The following DGCR2 variants were observed in gnomAD, a reference collection of about 807,000 sequenced individuals.
DGCR2 encodes the protein integral membrane protein DGCR2/IDD.
A neutral mutation model predicts 51.6 loss-of-function variants in DGCR2; 24 were observed. That is an observed-to-expected ratio of 0.47 (90% CI 0.34 to 0.65). The LOEUF (loss-of-function observed/expected upper bound fraction) is 0.65, where lower values mean the gene tolerates loss of function less well. Ranked by LOEUF, DGCR2 falls within the 30% of genes least tolerant of loss-of-function variation. DGCR2 has a pLI of 0.01. For synonymous variants in DGCR2, 340 were observed against 315.4 expected, an observed-to-expected ratio of 1.08 and a Z score of -0.82; for missense variants, 765 against 772.1, an observed-to-expected ratio of 0.99 and a Z score of 0.11.
chr22:19,049,605 T>C (rs1359290422), intron 6 of DGCR2, among the ~76,000 whole-genome samples: 1 of 152,130 alleles, frequency 6.6e-6, no homozygotes, highest in African/African-American at 2.4e-5. Context: ...GGCAGGCAGA[T>C]TGCCTGAGGT....
intron 7 of DGCR2, among the ~76,000 whole-genome samples, chr22:19,043,842 C>T (rs1601503033): frequency 2.0e-5 from 3 of 152,222 alleles, no homozygotes; most frequent in Non-Finnish European, 2.9e-5. Context: ...CCTCCTCCCA[C>T]GGGGCCAGGA....
intron 2 of DGCR2, among the ~76,000 whole-genome samples, chr22:19,071,854 A>C (rs117989845): frequency 0.014 from 2,138 of 152,298 alleles, 43 homozygotes; most frequent in South Asian, 0.06. Context: ...TAGGGGTAGA[A>C]TATCATAATA....
chr22:19,083,838 C>T (rs1204926419), intron 2 of DGCR2, among the ~76,000 whole-genome samples: 1 of 151,706 alleles, frequency 6.6e-6, no homozygotes, highest in East Asian at 2.0e-4. Context: ...CCTGCCTCAG[C>T]CTGCCGAGTG....
chr22:19,096,281 G>C (rs1172656250), intron 1 of DGCR2, among the ~76,000 whole-genome samples: 1 of 152,188 alleles, frequency 6.6e-6, no homozygotes, highest in Non-Finnish European at 1.5e-5. Context: ...TCATTCATAT[G>C]TGGGAGCTTA....
At chr22:19,072,611 C>T (rs530999724) in intron 2 of DGCR2, among the ~76,000 whole-genome samples, 27 of 152,242 alleles carry the variant, frequency 1.8e-4, no homozygotes, top group African/African-American at 5.3e-4. Flanking sequence ...CGGTGCCTCA[C>T]GCCTGTAATC....
At chr22:19,098,480 A>G (rs2083166167) in intron 1 of DGCR2, among the ~76,000 whole-genome samples, 1 of 152,198 alleles carries the variant, frequency 6.6e-6, no homozygotes, top group Admixed American at 6.5e-5. Flanking sequence ...GGGCATAGGC[A>G]TGTCCAATAA....
chr22:19,080,833 C>CA lies in DGCR2; in HGVS notation c.202+8534dup, dbSNP rs200406021. On this transcript the variant is annotated intron_variant, in intron 2 of 9. Coordinates refer to ENST00000263196, the MANE Select transcript of DGCR2 (RefSeq NM_005137.3). ...TGGGCAACAGAGCAAGACTCTGTCT[C>CA]AAAAAAAAGAAATGAAACCCCACAT... 9.4e-4 allele frequency among the ~76,000 whole-genome samples: 143 copies of CA among 151,830 alleles called. 2 individuals carry two copies. The East Asian group carries it at 0.018, about 20-fold the overall frequency.
intron 6 of DGCR2, among the ~76,000 whole-genome samples, chr22:19,054,148 T>C (rs779981510): frequency 2.0e-5 from 3 of 152,218 alleles, no homozygotes; most frequent in Non-Finnish European, 4.4e-5. Context: ...TGGTACTGTA[T>C]CCATGCTAAG....
chr22:19,092,343 T>TA (rs11396459), intron 1 of DGCR2, among the ~76,000 whole-genome samples: 58,539 of 146,500 alleles, frequency 0.4, 11,765 homozygotes, highest in African/African-American at 0.52. Flanking sequence ...GACTCCATCT[T>TA]AAAAAAAAAA....
chr22:19,049,416 C>T (rs1424271350), intron 6 of DGCR2, among the ~76,000 whole-genome samples: 1 of 152,078 alleles, frequency 6.6e-6, no homozygotes, highest in East Asian at 1.9e-4. Flanking sequence ...GAGAGCCACC[C>T]TCAGTGAAAG....
In DGCR2 at chr22:19,078,608, T is replaced by G. The variant is rs2082904596; in HGVS notation, c.203-10383A>C. ...CAATTAACTTCAATACTATGGTGAATAAGTGGTGAAAGCAGACATCCTTGT... is the reference window on the plus strand; with the variant it reads ...CAATTAACTTCAATACTATGGTGAAGAAGTGGTGAAAGCAGACATCCTTGT... On this transcript the variant is annotated intron_variant, in intron 2 of 9. Transcript: ENST00000263196. Among the ~76,000 whole-genome samples, 3 of 152,322 alleles carry G rather than the reference T, an allele frequency of 2.0e-5. No individual in the cohort carries two copies. In the South Asian group the frequency reaches 6.2e-4, roughly 32 times the overall value.
At chr22:19,053,262 A>G (rs8138035) in intron 6 of DGCR2, among the ~76,000 whole-genome samples, 62,773 of 151,978 alleles carry the variant, frequency 0.41, 13,415 homozygotes, top group African/African-American at 0.53. Context: ...TAAGGCTCAG[A>G]TACAGTTAGA....
In DGCR2 at chr22:19,068,390, C is replaced by T. The variant is rs554473965; in HGVS notation, c.203-165G>A. ...TAGAGCCCTATGAAACACTGCCGCT[C>T]GCATCAAATGGGTCCCGTGTGCTTC... On this transcript the variant is annotated intron_variant, in intron 2 of 9. Transcript: ENST00000263196. 1.3e-4 allele frequency among the ~76,000 whole-genome samples: 20 copies of T among 152,328 alleles called. No individual in the cohort carries two copies. In the South Asian group the frequency reaches 1.4e-3, roughly 11 times the overall value.
At chr22:19,095,221 G>C (rs2083125591) in intron 1 of DGCR2, among the ~76,000 whole-genome samples, 1 of 152,108 alleles carries the variant, frequency 6.6e-6, no homozygotes, top group Admixed American at 6.6e-5. Flanking sequence ...AATTAGCCAG[G>C]CGTGGTGGTG....
intron 1 of DGCR2, among the ~76,000 whole-genome samples, chr22:19,112,216 T>G (rs1220126315): frequency 6.9e-6 from 1 of 145,490 alleles, no homozygotes; most frequent in African/African-American, 2.5e-5. Flanking sequence ...GAGGTTACAG[T>G]GAGCCGAGGT....
intron 5 of DGCR2, 63 bp downstream of exon 5, chr22:19,063,139 G>C: frequency 2.0e-6 from 3 of 1,482,678 alleles, no homozygotes; most frequent in Middle Eastern, 1.7e-4. Flanking sequence ...GGGAGGAGGG[G>C]AGGCCCCGAA....
intron 1 of DGCR2, among the ~76,000 whole-genome samples, chr22:19,091,856 C>T (rs112030417): frequency 0.028 from 4,239 of 152,000 alleles, 103 homozygotes; most frequent in South Asian, 0.066. Flanking sequence ...AGGAGAATCG[C>T]TTGAACCTGA....
chr22:19,075,548 T>A (rs2082866375), intron 2 of DGCR2, among the ~76,000 whole-genome samples: 1 of 152,206 alleles, frequency 6.6e-6, no homozygotes, highest in Non-Finnish European at 1.5e-5. Flanking sequence ...CTTTTCATCT[T>A]ACCAAACAAA....
At chr22:19,077,034 T>C (rs1305480671) in intron 2 of DGCR2, among the ~76,000 whole-genome samples, 2 of 152,192 alleles carry the variant, frequency 1.3e-5, no homozygotes, top group East Asian at 3.8e-4. Flanking sequence ...CTTTGCACAT[T>C]TTTTAACCAG....
Sources: allele counts gnomAD v4.1 joint callset (sites outside exome capture counted in the v4.1 genomes callset), GRCh38; gene constraint gnomAD v4.1.1; transcripts MANE v1.5; gene names NCBI Gene and HGNC (gene_info 2026-07-23, HGNC 2026-07-21).